Variants in KANK1 observed in about 807,000 individuals in gnomAD.
KANK1 encodes KN motif and ankyrin repeat domains 1.
KANK1 carries 109 observed loss-of-function variants against 106.2 expected under a neutral mutation model. The observed-to-expected ratio is 1.03, with a 90% CI of 0.88 to 1.20. The LOEUF (loss-of-function observed/expected upper bound fraction) is 1.20, where lower values mean the gene tolerates loss of function less well. Among genes scored for constraint, KANK1 ranks in the 50% most tolerant of loss-of-function variants. The pLI, the probability that KANK1 is intolerant of heterozygous loss-of-function variation, is 0.00. For synonymous variants in KANK1, 873 were observed against 652.2 expected (o/e 1.34, Z -5.16); for missense variants, 2,399 against 1,710.7 (o/e 1.40, Z -7.10).
At chr9:598,620 CTTTTTTTTTTTTT>C (rs3028166) in intron 1 of KANK1, among the ~76,000 whole-genome samples, 17 of 46,684 alleles carry the variant, frequency 3.6e-4, no homozygotes, top group East Asian at 2.0e-3. Flanking sequence ...TGTTGGTTTT[CTTTTTTTTTTTTT>C]TTTTTTTTTT....
rs16919398 is a variant in KANK1, at chr9:547,628, G to A, written c.-84+42874G>A. 3.5e-3 allele frequency among the ~76,000 whole-genome samples: 528 copies of A among 151,622 alleles called. 7 individuals carry two copies. Among genetic ancestry groups the A allele is most frequent in the African/African-American group, 0.012 (496 of 41,510 alleles). ...ATTACTCTATGCAGATATATTTTAG[G>A]CCTCTTTCTATTAAATTGTCTTTCA... On this transcript the variant is annotated intron_variant, in intron 1 of 11. Coordinates refer to ENST00000382297, the MANE Select transcript of KANK1 (RefSeq NM_015158.5).
At chr9:735,576 C>T (rs1386815968) in intron 7 of KANK1, 1 of 176,714 alleles carries the variant, frequency 5.7e-6, no homozygotes, top group African/African-American at 2.3e-5. Context: ...AATGTAGGAT[C>T]CCCTAAGGAT....
chr9:475,449 C>A (rs1185554004), intron 3 of KANK1, among the ~76,000 whole-genome samples: 2 of 151,242 alleles, frequency 1.3e-5, no homozygotes, highest in Non-Finnish European at 2.9e-5. Context: ...CGGCCCTCTT[C>A]CAAATATACT....
chr9:721,031 G>GA (rs1482019781), intron 3 of KANK1, among the ~76,000 whole-genome samples: 5 of 152,174 alleles, frequency 3.3e-5, no homozygotes, highest in African/African-American at 1.2e-4. Flanking sequence ...CAGCACAATA[G>GA]AATCACCTAG....
intron 1 of KANK1, among the ~76,000 whole-genome samples, chr9:571,125 A>T (rs902975879): frequency 7.2e-5 from 11 of 152,268 alleles, no homozygotes; most frequent in Admixed American, 7.2e-4. Context: ...CTCCTTGGGG[A>T]CCTAGCCCCT....
chr9:673,003 G>T (rs1815541245), intron 1 of KANK1, among the ~76,000 whole-genome samples: 1 of 152,078 alleles, frequency 6.6e-6, no homozygotes, highest in Admixed American at 6.6e-5. Flanking sequence ...TGTAACACAG[G>T]AATGGACTGT....
intron 3 of KANK1, among the ~76,000 whole-genome samples, chr9:723,719 A>G (rs543010874): frequency 6.6e-6 from 1 of 152,332 alleles, no homozygotes; most frequent in East Asian, 1.9e-4. Flanking sequence ...CTATGGATTA[A>G]AAGACTTTAA....
At chr9:493,003 G>A (rs1315053408) in intron 3 of KANK1, among the ~76,000 whole-genome samples, 2 of 147,406 alleles carry the variant, frequency 1.4e-5, no homozygotes, top group South Asian at 2.2e-4. Context: ...CAGCCTGGGC[G>A]GTCAACAAGA....
chr9:595,347 G>A (rs1825947622), intron 1 of KANK1, among the ~76,000 whole-genome samples: 3 of 151,786 alleles, frequency 2.0e-5, no homozygotes, highest in Admixed American at 2.0e-4. Context: ...TTTCTGGTGT[G>A]AATTTCTCTT....
At chr9:611,862 G>A (rs1012582887) in intron 1 of KANK1, among the ~76,000 whole-genome samples, 1 of 152,112 alleles carries the variant, frequency 6.6e-6, no homozygotes, top group Non-Finnish European at 1.5e-5. Context: ...GGGATTACAG[G>A]CGCATGCCAC....
intron 1 of KANK1, among the ~76,000 whole-genome samples, chr9:628,073 T>C (rs1320736416): frequency 6.6e-6 from 1 of 152,248 alleles, no homozygotes; most frequent in Non-Finnish European, 1.5e-5. Context: ...AAAATACAGT[T>C]GCTTATTTCA....
At chr9:731,035 C>T (rs983070534) in intron 4 of KANK1, 123 bp from the exon 5 acceptor site, 2 of 464,374 alleles carry the variant, frequency 4.3e-6, no homozygotes, top group East Asian at 7.5e-5. Flanking sequence ...TTTGTGGAAA[C>T]TTCTCACATA....
intron 2 of KANK1, among the ~76,000 whole-genome samples, chr9:702,805 C>G (rs748463876): frequency 2.0e-5 from 3 of 152,178 alleles, no homozygotes; most frequent in African/African-American, 2.4e-5. Context: ...TCTTCTTCCC[C>G]TTGTCTAACC....
intron 1 of KANK1, among the ~76,000 whole-genome samples, chr9:558,452 C>A (rs190482304): frequency 2.1e-3 from 315 of 152,248 alleles, no homozygotes; most frequent in African/African-American, 7.1e-3. Context: ...CAATACATAG[C>A]CTTGTTTTGC....
At chr9:538,049 T>C (rs1198426191) in intron 1 of KANK1, among the ~76,000 whole-genome samples, 1 of 151,950 alleles carries the variant, frequency 6.6e-6, no homozygotes, top group Non-Finnish European at 1.5e-5. Flanking sequence ...TTTTTTTTTC[T>C]GTCTTGGAGC....
intron 6 of KANK1, 150 bp downstream of exon 6, chr9:732,767 G>T: frequency 1.2e-6 from 1 of 815,398 alleles, no homozygotes; most frequent in Non-Finnish European, 1.9e-6. Context: ...ATATATACAA[G>T]TGCAGAGTAT....
At position 713,302 on chromosome 9, in the gene KANK1, A is replaced by G. The variant is rs1826725451; in HGVS notation, c.2536A>G (p.Ser846Gly). 7.4e-6 allele frequency: 12 copies of G among 1,614,086 alleles called. No homozygotes were observed. The highest frequency in any genetic ancestry group is 1.0e-5 in the Non-Finnish European group (12 of 1,180,026). The stretch of plus-strand genomic sequence containing the variant: ...GCAGACACTGCTGGCTGAGAACTAC[A>G]GTGAACTGGCAGAAGCTTTCGGGGA... ...EQQTLLAENYSELAEAFGEPH... is the reference protein window; with the variant it reads ...EQQTLLAENYGELAEAFGEPH... The change falls in exon 3 of 12, where the codon AGT becomes GGT. Residue 846 changes from serine to glycine, a missense_variant. Coordinates refer to ENST00000382297, the MANE Select transcript of KANK1 (RefSeq NM_015158.5).
chr9:509,881 T>G (rs1160473171), intron 1 of KANK1, among the ~76,000 whole-genome samples: 1 of 151,990 alleles, frequency 6.6e-6, no homozygotes, highest in African/African-American at 2.4e-5. Flanking sequence ...GCTGTAACCG[T>G]GAACTGCTGG....
intron 1 of KANK1, among the ~76,000 whole-genome samples, chr9:592,411 G>A (rs1470671893): frequency 6.6e-6 from 1 of 151,786 alleles, no homozygotes; most frequent in Admixed American, 6.6e-5. Context: ...CATCCATACT[G>A]AATAAATGCC....
Sources: allele counts gnomAD v4.1 joint callset (sites outside exome capture counted in the v4.1 genomes callset), GRCh38; gene constraint gnomAD v4.1.1; transcripts MANE v1.5; gene names NCBI Gene and HGNC (gene_info 2026-07-23, HGNC 2026-07-21).